Variants in SEMA3A observed in about 807,000 individuals in gnomAD.
SEMA3A encodes the protein semaphorin-3A.
Under a neutral mutation model 97.9 loss-of-function variants are expected in SEMA3A, and 29 were observed. The ratio of observed to expected loss-of-function variants is 0.30; its 90% CI spans 0.22 to 0.40. SEMA3A has a LOEUF of 0.40. Ranked by LOEUF, SEMA3A falls within the 10% of genes least tolerant of loss-of-function variation. The pLI is 1.00. For synonymous variants in SEMA3A, 321 were observed against 323.7 expected (o/e 0.99, Z 0.09); for missense variants, 763 against 951.3 (o/e 0.80, Z 2.60).
chr7:84,084,134 C>T (rs989239000), intron 4 of SEMA3A, among the ~76,000 whole-genome samples: 28 of 151,866 alleles, frequency 1.8e-4, no homozygotes, highest in Non-Finnish European at 4.4e-5. Flanking sequence ...GTGTTTAATG[C>T]CTTTTGATTT....
intron 3 of SEMA3A, among the ~76,000 whole-genome samples, chr7:84,260,310 C>T (rs1015283252): frequency 1.3e-5 from 2 of 152,170 alleles, no homozygotes; most frequent in Non-Finnish European, 2.9e-5. Context: ...CCATCTGGAG[C>T]TGCCATTGCA....
intron 1 of SEMA3A, among the ~76,000 whole-genome samples, chr7:84,413,007 A>G (rs1403003857): frequency 6.6e-6 from 1 of 150,656 alleles, no homozygotes; most frequent in Non-Finnish European, 1.5e-5. Flanking sequence ...GAATTCAACA[A>G]AAATTACTTT....
At chr7:83,974,058 T>C (rs1361843472) in intron 15 of SEMA3A, among the ~76,000 whole-genome samples, 1 of 152,110 alleles carries the variant, frequency 6.6e-6, no homozygotes, top group East Asian at 1.9e-4. Context: ...ACAGCAATTA[T>C]TTTACGGAAG....
At chr7:84,324,087 T>C (rs1801719366) in intron 2 of SEMA3A, among the ~76,000 whole-genome samples, 1 of 152,202 alleles carries the variant, frequency 6.6e-6, no homozygotes, top group South Asian at 2.1e-4. Context: ...TAAATAAAAT[T>C]ATCTGAAGAA....
intron 6 of SEMA3A, among the ~76,000 whole-genome samples, chr7:84,020,865 T>C (rs1311294058): frequency 6.6e-6 from 1 of 152,142 alleles, no homozygotes; most frequent in Non-Finnish European, 1.5e-5. Context: ...AAGCCCCCCA[T>C]ACAGTGTACA....
intron 2 of SEMA3A, among the ~76,000 whole-genome samples, chr7:84,315,326 C>T (rs1276718459): frequency 1.3e-5 from 2 of 151,884 alleles, no homozygotes; most frequent in African/African-American, 4.8e-5. Flanking sequence ...GGCACAAACC[C>T]CATGAAGGAA....
At chr7:84,018,342 T>C (rs1215545345) in intron 6 of SEMA3A, among the ~76,000 whole-genome samples, 2 of 152,200 alleles carry the variant, frequency 1.3e-5, no homozygotes, top group Non-Finnish European at 2.9e-5. Context: ...TTATTCTTTA[T>C]GTAATCACTT....
intron 1 of SEMA3A, among the ~76,000 whole-genome samples, chr7:84,166,430 G>C (rs1386552904): frequency 6.6e-6 from 1 of 151,680 alleles, no homozygotes; most frequent in Non-Finnish European, 1.5e-5. Flanking sequence ...AATTAGCCAG[G>C]CGTGGTGGTG....
At chr7:84,195,714 GAATGCTCTGGCTAACATTTTC>G (rs1265504004), upstream of SEMA3A, among the ~76,000 whole-genome samples, 1 of 152,144 alleles carries the variant, frequency 6.6e-6, no homozygotes, top group East Asian at 1.9e-4. Context: ...CCAGCTTCTG[GAATGCTCTGGCTAACATTTTC>G]AATGCATCAC....
chr7:83,961,398 T>G lies in SEMA3A; in HGVS notation c.2289A>C (p.Glu763Asp), dbSNP rs1212401434. 1 of 1,613,942 alleles carries G rather than the reference T, an allele frequency of 6.2e-7. No individual in the cohort carries two copies. Among genetic ancestry groups the G allele is most frequent in the Non-Finnish European group, 8.5e-7 (1 of 1,179,932 alleles). ...AGACACTCCTGGGTGCCCTCTCAAA[T>G]TCGTGGGTCCTCCTGTTTCTACCTT... ...NKKGRNRRTH[E>D]FERAPRSV Residue 763 changes from glutamate (E) to aspartate (D), a missense_variant, in exon 17 of 17, where the codon GAA becomes GAC. Around this residue, in one of 2 missense-constraint regions of SEMA3A, gnomAD observed 678 missense variants for 881.3 expected, o/e 0.77. Transcript: ENST00000265362.
intron 1 of SEMA3A, among the ~76,000 whole-genome samples, chr7:84,461,306 C>T (rs543088328): frequency 6.6e-6 from 1 of 152,114 alleles, no homozygotes; most frequent in Admixed American, 6.6e-5. Context: ...ATCCAATGAA[C>T]GGCCTGCTGT....
intron 3 of SEMA3A, among the ~76,000 whole-genome samples, chr7:84,290,838 G>T (rs1025315014): frequency 3.3e-5 from 5 of 152,066 alleles, no homozygotes; most frequent in African/African-American, 1.2e-4. Flanking sequence ...GATTTTACAT[G>T]AGCAGATTGA....
In SEMA3A at chr7:84,346,626, A is replaced by C. The variant is rs570059542; in HGVS notation, c.-169+25198T>G. On this transcript the variant is annotated intron_variant, in intron 2 of 3. Coordinates refer to the SEMA3A transcript ENST00000424555. ...TCGGTGGAGCAGTCAGAACACACCA[A>C]CATTTATCTATTAACTTTGCCGTCT... is the stretch of plus-strand genomic sequence containing the variant. Among the ~76,000 whole-genome samples, 149 of 152,250 alleles carry C rather than the reference A, an allele frequency of 9.8e-4. 2 individuals are homozygous for C. Among genetic ancestry groups the C allele is most frequent in the South Asian group, 4.4e-3 (21 of 4,820 alleles).
At chr7:84,337,526 C>T (rs756036923) in intron 2 of SEMA3A, among the ~76,000 whole-genome samples, 32 of 152,030 alleles carry the variant, frequency 2.1e-4, no homozygotes, top group Non-Finnish European at 2.6e-4. Flanking sequence ...TATCCCAAGC[C>T]GCAGAAGACT....
chr7:83,971,960 A>C (rs1788931869), intron 15 of SEMA3A, among the ~76,000 whole-genome samples: 1 of 151,984 alleles, frequency 6.6e-6, no homozygotes, highest in Admixed American at 6.6e-5. Context: ...AGATTCCTGA[A>C]GATGTGAACT....
intron 1 of SEMA3A, among the ~76,000 whole-genome samples, chr7:84,444,571 T>TG (rs1158352117): frequency 8.6e-5 from 13 of 150,444 alleles, no homozygotes; most frequent in Non-Finnish European, 1.8e-4. Context: ...TTTCTTTTTT[T>TG]TTTTTTTTGA....
chr7:84,463,105 C>T (rs1390036152), intron 1 of SEMA3A, among the ~76,000 whole-genome samples: 4 of 151,992 alleles, frequency 2.6e-5, no homozygotes, highest in Admixed American at 2.6e-4. Context: ...ATCAGCAGTT[C>T]AACTGTTTTT....
intron 9 of SEMA3A, among the ~76,000 whole-genome samples, chr7:84,008,511 AAG>A (rs1790759759): frequency 6.7e-6 from 1 of 150,198 alleles, no homozygotes; most frequent in Non-Finnish European, 1.5e-5. Flanking sequence ...AAAAAAAAGA[AAG>A]AAAAAGAAAT....
At chr7:84,181,312 T>C (rs1246534704) in intron 1 of SEMA3A, among the ~76,000 whole-genome samples, 3 of 128,338 alleles carry the variant, frequency 2.3e-5, no homozygotes, top group Admixed American at 1.6e-4. Context: ...CTTTATATAA[T>C]GTTACAAATA....
Sources: allele counts gnomAD v4.1 joint callset (sites outside exome capture counted in the v4.1 genomes callset), GRCh38; gene constraint gnomAD v4.1.1; regional missense constraint gnomAD v4.1.1; transcripts MANE v1.5; gene names NCBI Gene and HGNC (gene_info 2026-07-23, HGNC 2026-07-21).